NRL: variants seen among roughly 807,000 people sequenced by gnomAD.
The protein encoded by NRL is neural retina-specific leucine zipper protein.
In NRL, 16 loss-of-function variants were observed where a neutral mutation model predicts 12.5. The observed-to-expected ratio is 1.28, with a 90% confidence interval of 0.87 to 1.95. The LOEUF is 1.95. Ranked by LOEUF, NRL falls within the 30% of genes most tolerant of loss-of-function variation. The pLI is 0.00. For synonymous variants in NRL, 142 were observed against 150.9 expected (o/e 0.94, Z 0.43); for missense variants, 314 against 325.8 (o/e 0.96, Z 0.28).
rs61752842 is a variant in NRL at position 24,096,930 on chromosome 14, C to G, written c.-27-14055G>C. The G allele has an allele frequency of 3.0e-3, 4,834 of 1,613,536 alleles. 10 individuals are homozygous for G. Among genetic ancestry groups the G allele is most frequent in the Non-Finnish European group, 3.7e-3 (4,389 of 1,179,584 alleles). ...GGGCTGAGCCCCTTGGGCTGGCCAT[C>G]ATGCCGTAGCATCCAGACCCTGCGA... is the stretch of plus-strand genomic sequence containing the variant. On this transcript the variant is annotated intron_variant, in intron 1 of 2. Coordinates refer to ENST00000561028, the MANE Select transcript of NRL (RefSeq NM_001354768.3).
Position 24,081,558 on chromosome 14 carries a change from C to G in NRL, c.392G>C (p.Arg131Pro), listed in dbSNP as rs994926351. Residue 131 changes from arginine to proline, a missense_variant, in exon 3 of 3, where the codon CGG (arginine) becomes CCG (proline). Coordinates refer to ENST00000561028, the MANE Select transcript of NRL (RefSeq NM_001354768.3). This position sits in a 1 kb window ranked among gnomAD's most constrained non-coding sequence, Gnocchi z 4.4. ...TGAQHVQLAE[R>P]FSDAALVSMS... is the part of the protein sequence containing the mutation. ...CGAGACCAGCGCCGCGTCGGAAAAC[C>G]GCTCTGCCAGCTGCGGAGGGAGAAT... The G allele has an allele frequency of 6.3e-7, 1 of 1,598,564 alleles. No homozygotes were observed. Among genetic ancestry groups the G allele is most frequent in the Admixed American group, 1.7e-5 (1 of 57,882 alleles).
intron 1 of NRL, chr14:24,099,070 C>A: frequency 6.2e-7 from 1 of 1,604,146 alleles, no homozygotes; most frequent in Non-Finnish European, 8.5e-7. Context: ...AGCCAGTGGC[C>A]GTGCAACCCA....
At chr14:24,095,793 G>T (rs558868145) in intron 1 of NRL, among the ~76,000 whole-genome samples, 1 of 152,232 alleles carries the variant, frequency 6.6e-6, no homozygotes, top group Admixed American at 6.5e-5. Flanking sequence ...TGAGAGGACA[G>T]ACAACAGGAC....
chr14:24,113,927 C>A (rs1020368950), intron 1 of NRL, among the ~76,000 whole-genome samples: 3 of 152,210 alleles, frequency 2.0e-5, no homozygotes, highest in African/African-American at 7.2e-5. Context: ...CCTCTGAGCC[C>A]GAGACAGCAA....
chr14:24,114,598 T>C, intron 1 of NRL, 124 bp downstream of exon 1: 1 of 854,544 alleles, frequency 1.2e-6, no homozygotes, highest in Non-Finnish European at 1.4e-6. Flanking sequence ...TTACGCCTAG[T>C]TCGGCTGTCT....
At position 24,081,005 on chromosome 14, in the gene NRL, G is replaced by C; in HGVS notation, c.*231C>G. On this transcript the variant is annotated 3_prime_UTR_variant, in exon 3 of 3. Transcript: ENST00000561028. This position sits in a 1 kb window ranked among gnomAD's most constrained non-coding sequence, Gnocchi z 4.4. ...CAGAGCTCAGCGTGCTAGTCATGTG[G>C]GCTGGGTTTCTGTGTTCGTAAGGGG... 1 of 390,836 alleles carries C rather than the reference G, an allele frequency of 2.6e-6. No individual in the cohort carries two copies. 24.2% of individuals were successfully genotyped at this position (390,836 alleles called of 1,614,324 possible). A position where few individuals can be genotyped will look rare whatever the true frequency, so the allele number is the denominator to read the frequency against.
At position 24,094,424 on chromosome 14, in the gene NRL, C is replaced by T; in HGVS notation, c.-27-11549G>A. 1 of 1,558,270 alleles carries T rather than the reference C, an allele frequency of 6.4e-7. No individual in the cohort carries two copies. Among genetic ancestry groups the T allele is most frequent in the Non-Finnish European group, 8.6e-7 (1 of 1,156,868 alleles). On this transcript the variant is annotated intron_variant, in intron 1 of 2. Transcript: ENST00000561028. This position sits in a 1 kb window ranked among gnomAD's most constrained non-coding sequence, Gnocchi z 4.1. ...AGGTGCCATGGCCGCATTGTACCGCCCTGGCCTGCGGTGAGTGACCCCCGG... is the reference window on the plus strand; with the variant it reads ...AGGTGCCATGGCCGCATTGTACCGCTCTGGCCTGCGGTGAGTGACCCCCGG...
intron 1 of NRL, among the ~76,000 whole-genome samples, chr14:24,109,591 G>A (rs533630420): frequency 2.0e-4 from 31 of 151,892 alleles, no homozygotes; most frequent in South Asian, 2.1e-4. Context: ...CCAGGTACTC[G>A]GGAGGCTGAG....
rs199922429 is a variant in NRL, at chr14:24,082,534, G to C, written c.315C>G (p.Val105=). 20 of 1,613,442 alleles carry C rather than the reference G, an allele frequency of 1.2e-5. No homozygotes were observed. The highest frequency in any genetic ancestry group is 1.4e-5 in the Non-Finnish European group (16 of 1,180,028). ...AMELLQGQGP[V]PVDGPHGYYP... ...AGTAGCCATGGGGCCCATCAACAGGGACTGGGCCCTGACCCTGCAGCAGCT... is the reference window on the plus strand; with the variant it reads ...AGTAGCCATGGGGCCCATCAACAGGCACTGGGCCCTGACCCTGCAGCAGCT... The change falls in exon 2 of 3, where the codon GTC becomes GTG. Residue 105 remains valine (V), a synonymous_variant. Transcript: ENST00000561028.
At chr14:24,099,855 C>G in intron 1 of NRL, 1 of 1,554,368 alleles carries the variant, frequency 6.4e-7, no homozygotes, top group Non-Finnish European at 8.9e-7. Flanking sequence ...CTCTGGCAGC[C>G]CAGCCACCCG....
chr14:24,114,653 G>C (rs747507471), intron 1 of NRL, 69 bp downstream of exon 1: 1 of 983,978 alleles, frequency 1.0e-6, no homozygotes, highest in African/African-American at 1.7e-5. Context: ...TCCCCAGCAA[G>C]AGCTAACAGC....
At position 24,114,750 on chromosome 14, in the gene NRL, T is replaced by C. The variant is rs2037498615; in HGVS notation, c.-56A>G. ...TCAATCATCGTGCTCCGCTGTCCAG[T>C]TGGCTGGCCAAGGGGGCGGGGCCGT... On this transcript the variant is annotated 5_prime_UTR_variant, in exon 1 of 3. Transcript: ENST00000561028. 11 of 985,936 alleles carry C rather than the reference T, an allele frequency of 1.1e-5. No individual in the cohort carries two copies. The highest frequency in any genetic ancestry group is 1.2e-5 in the Non-Finnish European group (10 of 829,960). 61.1% of individuals were successfully genotyped at this position (985,936 alleles called of 1,614,324 possible).
chr14:24,081,805 C>T lies in NRL; in HGVS notation c.382-237G>A, dbSNP rs1271295458. On this transcript the variant is annotated intron_variant, in intron 2 of 2. Transcript: ENST00000561028. This position sits in a 1 kb window ranked among gnomAD's most constrained non-coding sequence, Gnocchi z 4.4. Reference sequence around the variant, plus strand: ...CAGGCGGGCGCCCCACGGTGCAGGGCCGGCCACGGTCAGGCGAGCCCGTCG... The same window carrying T: ...CAGGCGGGCGCCCCACGGTGCAGGGTCGGCCACGGTCAGGCGAGCCCGTCG... 7 of 1,481,914 alleles carry T rather than the reference C, an allele frequency of 4.7e-6. No individual in the cohort carries two copies. The highest frequency in any genetic ancestry group is 6.2e-6 in the Non-Finnish European group (7 of 1,121,172). The allele number at this position is 1,481,914 out of a possible 1,614,324, so 91.8% of individuals were successfully genotyped here.
In NRL at chr14:24,094,730, G is replaced by A. The variant is rs1260773733; in HGVS notation, c.-27-11855C>T. The A allele has an allele frequency of 6.7e-7, 1 of 1,490,828 alleles. No homozygotes were observed. 92.3% of individuals were successfully genotyped at this position (1,490,828 alleles called of 1,614,324 possible). A position where few individuals can be genotyped will look rare whatever the true frequency, so the allele number is the denominator to read the frequency against. ...CTCTCTCTCCTCGCTCCTCTCTGCT[G>A]AGCCAGGTCTCCGCATATCCTCCTT... On this transcript the variant is annotated intron_variant, in intron 1 of 2. Coordinates refer to ENST00000561028, the MANE Select transcript of NRL (RefSeq NM_001354768.3). This position sits in a 1 kb window ranked among gnomAD's most constrained non-coding sequence, Gnocchi z 4.1.
rs200658873 is a variant in NRL at position 24,103,883 on chromosome 14, G to A, written c.-28+10839C>T. The A allele has an allele frequency of 5.4e-5, 87 of 1,614,052 alleles. No homozygotes were observed. The highest frequency in any genetic ancestry group is 7.1e-5 in the Non-Finnish European group (84 of 1,180,034). ...AGGTTCGTGACATTCGGAGCTACCT[G>A]ACAGAGCAGGTCAACCAGGATCTGC... is the stretch of plus-strand genomic sequence containing the variant. On this transcript the variant is annotated intron_variant, in intron 1 of 2. Transcript: ENST00000561028.
intron 1 of NRL, among the ~76,000 whole-genome samples, chr14:24,107,504 C>T (rs1015081643): frequency 6.6e-5 from 10 of 151,986 alleles, no homozygotes; most frequent in Non-Finnish European, 1.3e-4. Context: ...ATAGCCACCC[C>T]TTCCTGCCAT....
At chr14:24,095,204 C>A in intron 1 of NRL, 2 of 456,064 alleles carry the variant, frequency 4.4e-6, no homozygotes, top group South Asian at 3.1e-5. Context: ...CTTGGGCAGC[C>A]CTTGTGGGTG....
intron 1 of NRL, among the ~76,000 whole-genome samples, chr14:24,093,696 G>A (rs1182477208): frequency 1.3e-5 from 2 of 152,140 alleles, no homozygotes; most frequent in South Asian, 2.1e-4. Context: ...AAGAGGGGAT[G>A]TGCCGGGGGA....
chr14:24,088,407 A>G (rs995135372), intron 1 of NRL, among the ~76,000 whole-genome samples: 5 of 152,236 alleles, frequency 3.3e-5, no homozygotes, highest in African/African-American at 4.8e-5. Flanking sequence ...GGTTCCACAC[A>G]AGGCCCCTTG....
Sources: gnomAD v4.1 joint callset for allele counts (sites outside exome capture counted in the v4.1 genomes callset) on GRCh38, gnomAD v4.1.1 for gene constraint, Gnocchi (gnomAD v3.1) non-coding constraint, MANE v1.5 for transcripts, NCBI Gene and HGNC (gene_info 2026-07-23, HGNC 2026-07-21) for gene names.